GATA3: variants seen among roughly 807,000 people sequenced by gnomAD.
The protein encoded by GATA3 is GATA binding protein 3, also known as trans-acting T-cell-specific transcription factor GATA-3.
In GATA3, 6 loss-of-function variants were observed where a neutral mutation model predicts 36.0. The observed-to-expected ratio is 0.17, with a 90% CI of 0.09 to 0.33. The LOEUF (loss-of-function observed/expected upper bound fraction) is 0.33. Among genes scored for constraint, GATA3 ranks in the 10% least tolerant of loss-of-function variants. GATA3 has a pLI of 1.00. For synonymous variants in GATA3, 326 were observed against 273.0 expected (o/e 1.19, Z -1.92); for missense variants, 514 against 610.1 (o/e 0.84, Z 1.66).
intron 2 of GATA3, among the ~76,000 whole-genome samples, chr10:8,056,908 G>A (rs1832649275): frequency 6.6e-6 from 1 of 152,128 alleles, no homozygotes; most frequent in African/African-American, 2.4e-5. Flanking sequence ...GAAAAAGTGT[G>A]GGGCTTTCTG....
intron 3 of GATA3, among the ~76,000 whole-genome samples, chr10:8,062,466 TC>T (rs1292786337): frequency 6.6e-6 from 1 of 151,980 alleles, no homozygotes; most frequent in Admixed American, 6.5e-5. Flanking sequence ...TCTTTAACTT[TC>T]CTGAAGAACT....
rs1832988816 is a variant in GATA3 at position 8,074,787 on chromosome 10, T to C, written c.*764T>C. 1 of 233,780 alleles carries C rather than the reference T, an allele frequency of 4.3e-6. No homozygotes were observed. The highest frequency in any genetic ancestry group is 1.8e-4 in the South Asian group (1 of 5,522). 14.5% of individuals were successfully genotyped at this position (233,780 alleles called of 1,614,324 possible). ...TACAGACCGAACTGTTGTATAAATT[T>C]ATTTACTGCTAGTCTTAAGAACTGC... On this transcript the variant is annotated 3_prime_UTR_variant, in exon 6 of 6. Coordinates refer to ENST00000379328, the MANE Select transcript of GATA3 (RefSeq NM_001002295.2).
chr10:8,045,359 C>G (rs1304572872), upstream of GATA3: 1 of 152,464 alleles, frequency 6.6e-6, no homozygotes, highest in Non-Finnish European at 1.5e-5. Context: ...TTACCTCTCG[C>G]TGGAAGCCCG....
chr10:8,074,189 G>A lies in GATA3; in HGVS notation c.*166G>A. ...ACTTTGCAAAGGAGCTCACTGTGGT[G>A]TCTGTGTTCCAACCACTGAATCTGG... On this transcript the variant is annotated 3_prime_UTR_variant, in exon 6 of 6. Transcript: ENST00000379328. 1.4e-6 allele frequency: 1 copy of A among 730,388 alleles called. No homozygotes were observed. Among genetic ancestry groups the A allele is most frequent in the South Asian group, 1.9e-5 (1 of 53,010 alleles). The allele number at this position is 730,388 out of a possible 1,614,324, so 45.2% of individuals were successfully genotyped here.
chr10:8,062,757 C>T (rs1832770959), intron 3 of GATA3, among the ~76,000 whole-genome samples: 1 of 152,152 alleles, frequency 6.6e-6, no homozygotes, highest in East Asian at 1.9e-4. Context: ...TCTGGGCCTC[C>T]CCTCTCTGGG....
At chr10:8,062,270 G>T (rs767516721) in intron 3 of GATA3, among the ~76,000 whole-genome samples, 1 of 151,970 alleles carries the variant, frequency 6.6e-6, no homozygotes, top group Non-Finnish European at 1.5e-5. Context: ...TAATCTCAGG[G>T]GTTCTGGGGC....
intron 3 of GATA3, among the ~76,000 whole-genome samples, chr10:8,060,690 C>A (rs940205357): frequency 1.3e-5 from 2 of 152,020 alleles, no homozygotes; most frequent in Admixed American, 1.3e-4. Context: ...TGTTTGATTT[C>A]TCCCCCTCTT....
At chr10:8,062,104 C>G (rs1832759180) in intron 3 of GATA3, among the ~76,000 whole-genome samples, 1 of 152,236 alleles carries the variant, frequency 6.6e-6, no homozygotes, top group South Asian at 2.1e-4. Flanking sequence ...TTCCTTCCAG[C>G]CTCCCCCACA....
rs35945472 is a variant in GATA3 at position 8,060,535 on chromosome 10, C to CTT, written c.778+1703_778+1704dup. On this transcript the variant is annotated intron_variant, in intron 3 of 5. Transcript: ENST00000379328. Reference sequence around the variant, plus strand: ...TTGTGATGGGATTTCTTTTCTTTTTCTTTTTTTTTTAAAGTTCTCTTTTCT... The same window carrying CTT: ...TTGTGATGGGATTTCTTTTCTTTTTCTTTTTTTTTTTTAAAGTTCTCTTTTCT... Among the ~76,000 whole-genome samples, 105 of 148,322 alleles carry CTT rather than the reference C, an allele frequency of 7.1e-4. No homozygotes were observed. In the Middle Eastern group the frequency reaches 0.014, roughly 20 times the overall value.
intron 5 of GATA3, among the ~76,000 whole-genome samples, chr10:8,072,856 T>A (rs1022338167): frequency 2.0e-5 from 3 of 152,092 alleles, no homozygotes; most frequent in Non-Finnish European, 4.4e-5. Context: ...AGGCAAGAGA[T>A]CACTTTTGGG....
At chr10:8,060,829 G>A (rs145120480) in intron 3 of GATA3, among the ~76,000 whole-genome samples, 13 of 152,290 alleles carry the variant, frequency 8.5e-5, no homozygotes, top group African/African-American at 1.9e-4. Flanking sequence ...CCGATACACC[G>A]ATTTTGGTTT....
Position 8,055,766 on chromosome 10 carries a change from C to G in GATA3, c.111C>G (p.Asp37Glu), listed in dbSNP as rs976703495. The change falls in exon 2 of 6, where the codon GAC (aspartate) becomes GAG (glutamate). Residue 37 changes from aspartate (D) to glutamate (E), a missense_variant. Asp to Glu is a conservative substitution (Grantham distance 45). Around this residue, in one of 3 missense-constraint regions of GATA3, gnomAD observed 381 missense variants for 354.3 expected, o/e 1.08. Transcript: ENST00000379328. This position sits in a 1 kb window ranked among gnomAD's most constrained non-coding sequence, Gnocchi z 5.4. ...CGGGCCTCAGCCACTCCTACATGGA[C>G]GCGGCGCAGTACCCGCTGCCGGAGG... Reference protein sequence around the residue: ...HHPGLSHSYMDAAQYPLPEEV... With the variant: ...HHPGLSHSYMEAAQYPLPEEV... 1 of 1,589,732 alleles carries G rather than the reference C, an allele frequency of 6.3e-7. No individual in the cohort carries two copies. Among genetic ancestry groups the G allele is most frequent in the African/African-American group, 1.3e-5 (1 of 74,496 alleles).
intron 5 of GATA3, among the ~76,000 whole-genome samples, chr10:8,070,761 C>T (rs1832918717): frequency 6.6e-6 from 1 of 152,156 alleles, no homozygotes; most frequent in Non-Finnish European, 1.5e-5. Flanking sequence ...TGCTGTGATT[C>T]CGAGGAGCCC....
chr10:8,062,806 G>A (rs1045295851), intron 3 of GATA3, among the ~76,000 whole-genome samples: 2 of 152,172 alleles, frequency 1.3e-5, no homozygotes, highest in Admixed American at 1.3e-4. Context: ...CTGCAAGGAA[G>A]GGGAGTCCTG....
At chr10:8,072,571 G>A (rs923746070) in intron 5 of GATA3, among the ~76,000 whole-genome samples, 1 of 152,232 alleles carries the variant, frequency 6.6e-6, no homozygotes, top group East Asian at 1.9e-4. Context: ...TATTTTTAAA[G>A]GCAAATGAGG....
chr10:8,053,437 C>T (rs1001687409), upstream of GATA3: 1 of 152,232 alleles, frequency 6.6e-6, no homozygotes, highest in Middle Eastern at 3.1e-3. This position sits in a 1 kb window ranked among gnomAD's most constrained non-coding sequence, Gnocchi z 5.1. Flanking sequence ...ATTTTCGGGC[C>T]AGCGGCTGCA....
In GATA3 at chr10:8,055,533, C is replaced by G; in HGVS notation, c.-123C>G. The G allele has an allele frequency of 9.0e-7, 1 of 1,114,678 alleles. No individual in the cohort carries two copies. Among genetic ancestry groups the G allele is most frequent in the Non-Finnish European group, 1.3e-6 (1 of 790,504 alleles). The allele number at this position is 1,114,678 out of a possible 1,614,324, so 69.0% of individuals were successfully genotyped here. On this transcript the variant is annotated 5_prime_UTR_variant, in exon 2 of 6. Coordinates refer to ENST00000379328, the MANE Select transcript of GATA3 (RefSeq NM_001002295.2). This position sits in a 1 kb window ranked among gnomAD's most constrained non-coding sequence, Gnocchi z 5.4. ...AGCCTTCCCATCCCCCCACCGAAAG[C>G]AAATCATTCAACGACCCCCGACCCT... is the stretch of plus-strand genomic sequence containing the variant.
upstream of GATA3, among the ~76,000 whole-genome samples, chr10:8,050,038 A>G (rs944230016): frequency 9.9e-5 from 15 of 152,176 alleles, no homozygotes; most frequent in African/African-American, 3.4e-4. Context: ...GGCCTGGCTC[A>G]GGTCGCCCTC....
In GATA3 at chr10:8,062,845, C is replaced by T. The variant is rs534738083; in HGVS notation, c.779-1148C>T. Among the ~76,000 whole-genome samples the T allele has an allele frequency of 4.6e-5, 7 of 152,248 alleles. No homozygotes were observed. In the South Asian group the frequency reaches 8.3e-4, roughly 18 times the overall value. The stretch of plus-strand genomic sequence containing the variant: ...TTCTCTGGGCACCCAGAGAACTGGG[C>T]GCTAGAGACCCGTGTGTCCCTGGGT... On this transcript the variant is annotated intron_variant, in intron 3 of 5. Coordinates refer to ENST00000379328, the MANE Select transcript of GATA3 (RefSeq NM_001002295.2).
Sources: gnomAD v4.1 joint callset for allele counts (sites outside exome capture counted in the v4.1 genomes callset) on GRCh38, gnomAD v4.1.1 for gene constraint, gnomAD v4.1.1 regional missense constraint, Gnocchi (gnomAD v3.1) non-coding constraint, MANE v1.5 for transcripts, NCBI Gene and HGNC (gene_info 2026-07-23, HGNC 2026-07-21) for gene names.